UPF3B: variants seen among roughly 807,000 people sequenced by gnomAD.
The protein encoded by UPF3B is UPF3B regulator of nonsense mediated mRNA decay.
A neutral mutation model predicts 40.3 loss-of-function variants in UPF3B; 7 were observed. The ratio of observed to expected loss-of-function variants is 0.17; its 90% CI spans 0.10 to 0.33. The LOEUF is 0.33. Ranked by LOEUF, UPF3B falls within the 10% of genes least tolerant of loss-of-function variation. The pLI is 1.00. For missense variants in UPF3B, 229 were observed against 358.9 expected (o/e 0.64, Z 2.93); for synonymous variants, 117 against 117.3 (o/e 1.00, Z 0.01).
chrX:119,805,623 C>A (rs80090845), intron 6 of UPF3B, among the ~76,000 whole-genome samples: 1 of 110,229 alleles, frequency 9.1e-6, no homozygotes, highest in East Asian at 2.8e-4. Flanking sequence ...TCTACAATGA[C>A]CTCAAATAAA....
At chrX:119,840,594 CTGTGTGTGTGACA>C in intron 8 of UPF3B, 39 bp downstream of exon 8, 5 of 1,122,116 alleles carry the variant, frequency 4.5e-6, no homozygotes, top group Non-Finnish European at 6.1e-6. Context: ...TAGCTAAGAC[CTGTGTGTGTGACA>C]TGATACTAGA....
At chrX:119,812,654 AT>A (rs2055835462) in intron 5 of UPF3B, among the ~76,000 whole-genome samples, 1 of 111,284 alleles carries the variant, frequency 9.0e-6, no homozygotes, top group African/African-American at 3.3e-5. Flanking sequence ...TTGTAGATAC[AT>A]TTCTTTACCT....
intron 5 of UPF3B, among the ~76,000 whole-genome samples, chrX:119,842,580 TCACACA>T (rs773370806): frequency 2.8e-4 from 20 of 71,457 alleles, no homozygotes; most frequent in Non-Finnish European, 4.6e-4. Context: ...ACTCCATCTC[TCACACA>T]CACACACACA....
intron 10 of UPF3B, among the ~76,000 whole-genome samples, chrX:119,836,319 C>T (rs1483518139): frequency 9.0e-6 from 1 of 111,440 alleles, no homozygotes; most frequent in African/African-American, 3.3e-5. Context: ...CATGCCACTG[C>T]ACTCCAGCCT....
intron 3 of UPF3B, among the ~76,000 whole-genome samples, chrX:119,846,509 A>T (rs865779536): frequency 0.021 from 2,154 of 100,625 alleles, 47 homozygotes; most frequent in African/African-American, 0.084. Context: ...GCCTGGTAAA[A>T]AAAAAAAAAA....
chrX:119,837,615 CAAAAAA>C, intron 10 of UPF3B, 136 bp downstream of exon 10: 27 of 402,050 alleles, frequency 6.7e-5, no homozygotes, highest in East Asian at 1.0e-4. Flanking sequence ...GACTCTGTCT[CAAAAAA>C]AAAAAAAAAA....
At chrX:119,838,074 A>C in intron 9 of UPF3B, 23 bp from the exon 10 acceptor site, 1 of 1,207,168 alleles carries the variant, frequency 8.3e-7, no homozygotes, top group Non-Finnish European at 1.1e-6. Flanking sequence ...CAAATCTGAG[A>C]CAGAACCCTG....
At chrX:119,827,230 T>C (rs7049276) in intron 3 of UPF3B, among the ~76,000 whole-genome samples, 4,722 of 111,180 alleles carry the variant, frequency 0.042, 250 homozygotes, top group African/African-American at 0.14. Context: ...CAGTAAATAA[T>C]GTAAAAAAGA....
intron 3 of UPF3B, among the ~76,000 whole-genome samples, chrX:119,849,503 A>G (rs6646497): frequency 2.0e-5 from 2 of 101,336 alleles, no homozygotes; most frequent in African/African-American, 3.6e-5. Flanking sequence ...CAAAAAAAAA[A>G]AGAGAGAGAG....
chrX:119,851,835 C>T lies in UPF3B; in HGVS notation c.195G>A (p.Glu65=). 8.6e-7 allele frequency: 1 copy of T among 1,163,520 alleles called. No homozygotes were observed. Among genetic ancestry groups the T allele is most frequent in the African/African-American group, 2.0e-5 (1 of 50,936 alleles). Residue 65 remains glutamate (E), a synonymous_variant, in exon 2 of 11, where the codon GAG becomes GAA. Transcript: ENST00000276201. ...IRRLPPTLTK[E]QLQEHLQPMP... ...TAGGTTGAAGATGTTCCTGAAGCTG[C>T]TCCTTGGTCAAAGTGGGAGGTAATC...
At chrX:119,850,742 T>A (rs989812714) in intron 3 of UPF3B, among the ~76,000 whole-genome samples, 6 of 111,637 alleles carry the variant, frequency 5.4e-5, no homozygotes, top group Non-Finnish European at 1.1e-4. Context: ...GTATCAAGTT[T>A]CTTTTTTTCG....
chrX:119,831,190 A>G (rs372717055), downstream of UPF3B, among the ~76,000 whole-genome samples: 10 of 111,837 alleles, frequency 8.9e-5, no homozygotes, highest in South Asian at 3.7e-3. Flanking sequence ...GTACCCCACG[A>G]GCAGAGCGAC....
At chrX:119,823,556 CTCTTTTTTTTTTTT>C (rs951507865) in intron 3 of UPF3B, among the ~76,000 whole-genome samples, 2 of 42,090 alleles carry the variant, frequency 4.8e-5, no homozygotes, top group African/African-American at 7.7e-4. Flanking sequence ...TCTTTTTTTC[CTCTTTTTTTTTTTT>C]TTTTTTTGTC....
At chrX:119,829,151 A>G (rs1341886188), downstream of UPF3B, among the ~76,000 whole-genome samples, 1 of 111,712 alleles carries the variant, frequency 9.0e-6, no homozygotes, top group Non-Finnish European at 1.9e-5. Flanking sequence ...CCTCCTGAGT[A>G]GCTGGGACTA....
At chrX:119,840,927 G>A (rs1161813785) in intron 7 of UPF3B, 149 bp downstream of exon 7, 1 of 644,806 alleles carries the variant, frequency 1.6e-6, no homozygotes, top group African/African-American at 2.3e-5. Context: ...TACTATTACA[G>A]GAAAGATTTT....
At chrX:119,843,940 T>C (rs1475755099) in intron 4 of UPF3B, among the ~76,000 whole-genome samples, 1 of 112,582 alleles carries the variant, frequency 8.9e-6, no homozygotes, top group Admixed American at 9.4e-5. Context: ...TTATCCAACA[T>C]AAAGAGTTGT....
In UPF3B at chrX:119,847,910, T is replaced by G. The variant is rs1010354889; in HGVS notation, c.371-2614A>C. ...CAATATTGTTCACAATAGCCAAGAG[T>G]GGAAGCAACTCGAATACCCCTTGAC... On this transcript the variant is annotated intron_variant, in intron 3 of 10. Coordinates refer to ENST00000276201, the MANE Select transcript of UPF3B (RefSeq NM_080632.3). Among the ~76,000 whole-genome samples, 7 of 110,500 alleles carry G rather than the reference T, an allele frequency of 6.3e-5. No individual in the cohort carries two copies. In the Admixed American group the frequency reaches 6.8e-4, roughly 11 times the overall value.
intron 3 of UPF3B, 24 bp from the exon 4 acceptor site, chrX:119,845,320 C>A (rs2056214183): frequency 1.8e-6 from 2 of 1,120,679 alleles, no homozygotes; most frequent in Non-Finnish European, 2.4e-6. Context: ...AAATACCACA[C>A]TTGCTATAAC....
chrX:119,808,355 C>G (rs1000098972), intron 5 of UPF3B, among the ~76,000 whole-genome samples: 2 of 102,751 alleles, frequency 1.9e-5, no homozygotes, highest in Non-Finnish European at 4.0e-5. Context: ...GGAGGGCCCT[C>G]CTGTGGTTTC....
Sources: gnomAD v4.1 joint callset for allele counts (sites outside exome capture counted in the v4.1 genomes callset) on GRCh38, gnomAD v4.1.1 for gene constraint, MANE v1.5 for transcripts, NCBI Gene and HGNC (gene_info 2026-07-23, HGNC 2026-07-21) for gene names.